Variants in CBFA2T2 observed in about 807,000 individuals in gnomAD.
CBFA2T2 encodes the protein CBFA2/RUNX1 partner transcriptional co-repressor 2.
A neutral mutation model predicts 62.2 loss-of-function variants in CBFA2T2; 11 were observed. The observed-to-expected ratio is 0.18, with a 90% CI of 0.11 to 0.29. The LOEUF (loss-of-function observed/expected upper bound fraction) is 0.29. Among genes scored for constraint, CBFA2T2 ranks in the 10% least tolerant of loss-of-function variants. The pLI, the probability that CBFA2T2 is intolerant of heterozygous loss-of-function variation, is 1.00. For synonymous variants in CBFA2T2, 295 were observed against 287.5 expected, an observed-to-expected ratio of 1.03 and a Z score of -0.27; for missense variants, 592 against 774.1, an observed-to-expected ratio of 0.76 and a Z score of 2.79.
intron 1 of CBFA2T2, among the ~76,000 whole-genome samples, chr20:33,568,941 C>G (rs1297969957): frequency 6.6e-6 from 1 of 152,134 alleles, no homozygotes; most frequent in South Asian, 2.1e-4. Context: ...CTAATTACAC[C>G]CTTTTCCCCA....
intron 1 of CBFA2T2, among the ~76,000 whole-genome samples, chr20:33,519,331 G>A (rs1473072781): frequency 1.3e-5 from 2 of 152,034 alleles, no homozygotes; most frequent in African/African-American, 2.4e-5. Context: ...TTAGCCCGGT[G>A]CAGTGGCATA....
At chr20:33,527,872 A>C (rs181142498) in intron 1 of CBFA2T2, among the ~76,000 whole-genome samples, 2 of 149,282 alleles carry the variant, frequency 1.3e-5, no homozygotes, top group East Asian at 2.0e-4. Context: ...TGTTTGTTTT[A>C]TTTTCTTTTT....
intron 4 of CBFA2T2, among the ~76,000 whole-genome samples, chr20:33,620,364 A>G (rs922583074): frequency 3.3e-5 from 5 of 152,056 alleles, no homozygotes; most frequent in Admixed American, 1.3e-4. Flanking sequence ...AATAGAAAAA[A>G]AAAATAGCCA....
At chr20:33,612,145 T>A (rs950573870) in intron 3 of CBFA2T2, among the ~76,000 whole-genome samples, 14 of 152,226 alleles carry the variant, frequency 9.2e-5, no homozygotes, top group African/African-American at 3.4e-4. Flanking sequence ...TAAACTTGCT[T>A]AAGAATTTGC....
intron 1 of CBFA2T2, among the ~76,000 whole-genome samples, chr20:33,532,545 T>C (rs1600937225): frequency 6.6e-6 from 1 of 152,264 alleles, no homozygotes; most frequent in East Asian, 1.9e-4. Flanking sequence ...TGTAAGTCAA[T>C]TTCAGTTATT....
intron 1 of CBFA2T2, among the ~76,000 whole-genome samples, chr20:33,557,875 G>A (rs139607393): frequency 6.7e-5 from 10 of 149,448 alleles, no homozygotes; most frequent in Non-Finnish European, 1.0e-4. Flanking sequence ...TTGCTCTGTC[G>A]CCCAAGCTAA....
At position 33,624,001 on chromosome 20, in the gene CBFA2T2, A is replaced by G. The variant is rs2016112556; in HGVS notation, c.692+705A>G. 7 of 564,534 alleles carry G rather than the reference A, an allele frequency of 1.2e-5. No homozygotes were observed. The South Asian group carries it at 1.2e-4, about 10-fold the overall frequency. The allele number at this position is 564,534 out of a possible 1,614,324, so 35.0% of individuals were successfully genotyped here. ...AAAGAAAAAACAAAAAAAAAGAAAT[A>G]CAATCTGCCAAATGCCTTTTATGTC... On this transcript the variant is annotated intron_variant, in intron 5 of 10. Coordinates refer to ENST00000342704, the MANE Select transcript of CBFA2T2 (RefSeq NM_001032999.3).
Position 33,523,279 on chromosome 20 carries a change from A to G in CBFA2T2, c.34+32978A>G, listed in dbSNP as rs767388274. Reference sequence around the variant, plus strand: ...AAATCATAGGCTTTATTTTTTATTTATTTATTTTTTTTTATATTTTGAGAC... The same window carrying G: ...AAATCATAGGCTTTATTTTTTATTTGTTTATTTTTTTTTATATTTTGAGAC... On this transcript the variant is annotated intron_variant, in intron 1 of 10. Transcript: ENST00000342704. Among the ~76,000 whole-genome samples the G allele has an allele frequency of 1.8e-4, 28 of 152,052 alleles. 1 individual carries two copies. The highest frequency in any genetic ancestry group is 3.7e-4 in the Non-Finnish European group (25 of 67,964).
chr20:33,638,710 TAGTCCTGTGGACTTA>T (rs2016717779), intron 9 of CBFA2T2: 1 of 152,252 alleles, frequency 6.6e-6, no homozygotes, highest in Non-Finnish European at 1.5e-5. Context: ...CTGGATTGTC[TAGTCCTGTGGACTTA>T]CGTAGGGAGC....
chr20:33,573,821 C>G (rs1325903126), intron 1 of CBFA2T2, among the ~76,000 whole-genome samples: 1 of 151,974 alleles, frequency 6.6e-6, no homozygotes, highest in East Asian at 1.9e-4. Context: ...TAACTCTTCA[C>G]CCAGGCTGGA....
At chr20:33,546,498 C>T (rs1600953746) in intron 1 of CBFA2T2, among the ~76,000 whole-genome samples, 1 of 150,078 alleles carries the variant, frequency 6.7e-6, no homozygotes, top group Middle Eastern at 3.2e-3. Context: ...CAGCCAGGAT[C>T]ACGGCTCACT....
chr20:33,612,608 CTCT>C (rs992909623), intron 3 of CBFA2T2, among the ~76,000 whole-genome samples: 3 of 152,182 alleles, frequency 2.0e-5, no homozygotes, highest in African/African-American at 4.8e-5. Context: ...AACAGTGCTG[CTCT>C]TCTTACTGCA....
At chr20:33,564,098 C>A (rs893884712) in intron 1 of CBFA2T2, among the ~76,000 whole-genome samples, 9 of 152,092 alleles carry the variant, frequency 5.9e-5, no homozygotes, top group African/African-American at 1.9e-4. Flanking sequence ...AAAAATTCTA[C>A]CATTTCTCAA....
chr20:33,640,519 G>A lies in CBFA2T2; in HGVS notation c.1476G>A (p.Glu492=). Residue 492 remains glutamate (E), a synonymous_variant, in exon 10 of 11, where the codon GAG becomes GAA. Transcript: ENST00000342704. ...EDAFLVINEQ[E]ESTENCWNCG... ...CTTTCCTCGTCATCAATGAGCAAGA[G>A]GAGTCCACGGAGGTCAGAGCTCTGC... 6.2e-7 allele frequency: 1 copy of A among 1,614,144 alleles called. No homozygotes were observed. Among genetic ancestry groups the A allele is most frequent in the Non-Finnish European group, 8.5e-7 (1 of 1,180,018 alleles).
chr20:33,528,189 T>C (rs1218901156), intron 1 of CBFA2T2, among the ~76,000 whole-genome samples: 1 of 152,228 alleles, frequency 6.6e-6, no homozygotes, highest in Non-Finnish European at 1.5e-5. Context: ...GTTTTCTGAT[T>C]CTTCAAAGTT....
intron 3 of CBFA2T2, among the ~76,000 whole-genome samples, chr20:33,612,510 T>C (rs2015566498): frequency 6.6e-6 from 1 of 152,074 alleles, no homozygotes; most frequent in African/African-American, 2.4e-5. Flanking sequence ...AATGCAAAAG[T>C]AGAGAGAATA....
At chr20:33,616,706 G>T (rs1443584341) in intron 3 of CBFA2T2, among the ~76,000 whole-genome samples, 2 of 150,222 alleles carry the variant, frequency 1.3e-5, no homozygotes, top group Non-Finnish European at 3.0e-5. Context: ...CAGCATGGGT[G>T]ACAAAACAAG....
At chr20:33,604,594 T>G (rs771569890) in intron 1 of CBFA2T2, among the ~76,000 whole-genome samples, 1 of 152,114 alleles carries the variant, frequency 6.6e-6, no homozygotes, top group African/African-American at 2.4e-5. Context: ...TATCAAAGCT[T>G]TTGGTTGGTA....
chr20:33,597,590 G>T (rs2014946623), intron 1 of CBFA2T2, among the ~76,000 whole-genome samples: 1 of 152,176 alleles, frequency 6.6e-6, no homozygotes, highest in African/African-American at 2.4e-5. Context: ...CTGGACATGT[G>T]AGGGATCTAG....
Sources: allele counts gnomAD v4.1 joint callset (sites outside exome capture counted in the v4.1 genomes callset), GRCh38; gene constraint gnomAD v4.1.1; transcripts MANE v1.5; gene names NCBI Gene and HGNC (gene_info 2026-07-23, HGNC 2026-07-21).